Variants in TENM2 observed in about 807,000 individuals in gnomAD.
TENM2 encodes the protein teneurin transmembrane protein 2.
Under a neutral mutation model 245.2 loss-of-function variants are expected in TENM2, and 52 were observed. The observed-to-expected ratio is 0.21, with a 90% CI of 0.17 to 0.27. The LOEUF is 0.27. Among genes scored for constraint, TENM2 ranks in the 10% least tolerant of loss-of-function variants. The probability of loss-of-function intolerance (pLI) is 1.00; values close to 1 mark genes in which losing one functional copy is unlikely to be tolerated. For synonymous variants in TENM2, 1,363 were observed against 1,438.9 expected (o/e 0.95, Z 1.19); for missense variants, 3,046 against 3,666.8 (o/e 0.83, Z 4.37).
At chr5:167,215,977 G>A in the TENM2 span, among the ~76,000 whole-genome samples, 1 of 152,140 alleles carries the variant, frequency 6.6e-6, no homozygotes, top group South Asian at 2.1e-4. Context: ...TATCCATAGA[G>A]TGGTAGAACC....
exon 10 of TENM2, chr5:168,118,431 C>T: frequency 6.2e-7 from 1 of 1,609,368 alleles, no homozygotes; most frequent in South Asian, 1.1e-5. Flanking sequence ...ACGGCTCCTG[C>T]ATTGATGGGA....
the TENM2 span, among the ~76,000 whole-genome samples, chr5:167,212,066 C>T: frequency 5.3e-5 from 8 of 152,170 alleles, no homozygotes; most frequent in African/African-American, 1.9e-4. Context: ...ATTGGTGTCT[C>T]ATTGGAACCC....
intron 2 of TENM2, among the ~76,000 whole-genome samples, chr5:167,506,811 A>G (rs551449841): frequency 6.6e-6 from 1 of 152,342 alleles, no homozygotes; most frequent in South Asian, 2.1e-4. Context: ...AATGACACAT[A>G]GAAGATTTGC....
chr5:167,932,011 C>T (rs1275289662), intron 3 of TENM2, among the ~76,000 whole-genome samples: 2 of 152,180 alleles, frequency 1.3e-5, no homozygotes, highest in African/African-American at 2.4e-5. Context: ...AGATATAAAA[C>T]ACCAGAGAAG....
chr5:167,413,055 A>G (rs1762988744), intron 2 of TENM2, among the ~76,000 whole-genome samples: 1 of 152,098 alleles, frequency 6.6e-6, no homozygotes, highest in Admixed American at 6.6e-5. Context: ...ACTACTAGTT[A>G]TCTAGAAACA....
intron 1 of TENM2, among the ~76,000 whole-genome samples, chr5:167,315,816 A>G (rs996736639): frequency 6.6e-6 from 1 of 152,194 alleles, no homozygotes; most frequent in Admixed American, 6.5e-5. Context: ...GAATGCAAGC[A>G]GTGGGGGTAA....
chr5:168,037,973 A>G (rs1787857786), intron 5 of TENM2, among the ~76,000 whole-genome samples: 1 of 152,228 alleles, frequency 6.6e-6, no homozygotes, highest in African/African-American at 2.4e-5. Flanking sequence ...GAGGGGGTTC[A>G]GGCAAATGAG....
chr5:168,133,007 T>C (rs1754724843), intron 12 of TENM2, among the ~76,000 whole-genome samples: 1 of 152,216 alleles, frequency 6.6e-6, no homozygotes, highest in Non-Finnish European at 1.5e-5. Flanking sequence ...AGGACATCTG[T>C]GTTCTAGCTT....
intron 2 of TENM2, among the ~76,000 whole-genome samples, chr5:167,607,632 C>T (rs180900242): frequency 6.6e-6 from 1 of 152,318 alleles, no homozygotes; most frequent in East Asian, 1.9e-4. Context: ...CGTGCTGGCA[C>T]CCAGTTGGCA....
At chr5:167,543,029 A>G (rs1233565417) in intron 2 of TENM2, among the ~76,000 whole-genome samples, 1 of 152,142 alleles carries the variant, frequency 6.6e-6, no homozygotes, top group Non-Finnish European at 1.5e-5. Context: ...CACCTAGGAA[A>G]TTGTTAGAAA....
intron 2 of TENM2, among the ~76,000 whole-genome samples, chr5:167,755,417 T>TC (rs1297603408): frequency 6.6e-6 from 1 of 151,740 alleles, no homozygotes; most frequent in African/African-American, 2.4e-5. Flanking sequence ...ATCTGAATTT[T>TC]TTTTTTGCTA....
intron 18 of TENM2, 27 bp from the exon 21 acceptor site, chr5:168,204,345 A>T: frequency 6.2e-7 from 1 of 1,603,284 alleles, no homozygotes; most frequent in Non-Finnish European, 8.5e-7. Context: ...GGCTTCAGTA[A>T]CCCCTCCCAT....
chr5:168,218,522 A>T lies in TENM2; in HGVS notation c.4631A>T (p.Asn1544Ile). The T allele has an allele frequency of 6.2e-7, 1 of 1,614,042 alleles. No individual in the cohort carries two copies. The highest frequency in any genetic ancestry group is 8.5e-7 in the Non-Finnish European group (1 of 1,179,900). The change falls in exon 23 of 29, where the codon AAT becomes ATT. Residue 1544 changes from asparagine (N) to isoleucine (I), a missense_variant. Physicochemically the swap from Asn to Ile is moderately radical, Grantham distance 149. Around this residue, in one of 2 missense-constraint regions of TENM2, gnomAD observed 2,704 missense variants for 3,331.9 expected, o/e 0.81. Transcript: ENST00000518659. This position sits in a 1 kb window ranked among gnomAD's most constrained non-coding sequence, Gnocchi z 5.2. ...GCCTACGCGACTGATGCCATCTTGA[A>T]TTCCCCATCATCCTTAGCTGTAGCT...
intron 2 of TENM2, among the ~76,000 whole-genome samples, chr5:167,484,435 A>G (rs1371077496): frequency 1.3e-5 from 2 of 152,138 alleles, no homozygotes; most frequent in Non-Finnish European, 2.9e-5. Flanking sequence ...GACGAGATCT[A>G]GGGAGAAGAT....
chr5:167,225,123 A>G, the TENM2 span, among the ~76,000 whole-genome samples: 2 of 151,898 alleles, frequency 1.3e-5, no homozygotes, highest in Non-Finnish European at 2.9e-5. Context: ...GATTTTTCTC[A>G]ATGTAAGATT....
chr5:167,596,673 G>A (rs1776235026), intron 2 of TENM2, among the ~76,000 whole-genome samples: 1 of 151,810 alleles, frequency 6.6e-6, no homozygotes, highest in African/African-American at 2.4e-5. Context: ...GCAGGCGCCT[G>A]TAGTCCCAGC....
intron 4 of TENM2, among the ~76,000 whole-genome samples, chr5:167,963,310 C>A (rs1862417): frequency 0.47 from 71,835 of 151,920 alleles, 20,228 homozygotes; most frequent in African/African-American, 0.81. Flanking sequence ...GAATGAATTC[C>A]CTGATTCAAA....
rs80278100 is a variant in TENM2, at chr5:167,786,655, G to T, written c.503-89331G>T. Among the ~76,000 whole-genome samples, 8 of 152,300 alleles carry T rather than the reference G, an allele frequency of 5.3e-5. No individual in the cohort carries two copies. The East Asian group carries it at 1.4e-3, about 26-fold the overall frequency. On this transcript the variant is annotated intron_variant, in intron 2 of 28. Coordinates refer to ENST00000518659, the Ensembl canonical transcript of TENM2. The stretch of plus-strand genomic sequence containing the variant: ...CTGAACCTCCTGGCCTGGAAATAAG[G>T]AGAAAAGATTGAGACCTTGGTCCAA...
chr5:168,243,015 C>T (rs1302443316), intron 25 of TENM2, among the ~76,000 whole-genome samples: 3 of 152,048 alleles, frequency 2.0e-5, no homozygotes, highest in Non-Finnish European at 2.9e-5. Context: ...ATCATTATTA[C>T]CAGTAAGTGC....
Sources: allele counts gnomAD v4.1 joint callset (sites outside exome capture counted in the v4.1 genomes callset), GRCh38; gene constraint gnomAD v4.1.1; regional missense constraint gnomAD v4.1.1; non-coding constraint Gnocchi (gnomAD v3.1); transcripts MANE v1.5; gene names NCBI Gene and HGNC (gene_info 2026-07-23, HGNC 2026-07-21).